The following SNED1 variants were observed in gnomAD, a reference collection of about 807,000 sequenced individuals.
SNED1 encodes the protein sushi, nidogen and EGF like domains 1, also known as sushi, nidogen and EGF-like domain-containing protein 1.
In SNED1, 81 loss-of-function variants were observed where a neutral mutation model predicts 166.7. The ratio of observed to expected loss-of-function variants is 0.49; its 90% confidence interval spans 0.41 to 0.58. The LOEUF (loss-of-function observed/expected upper bound fraction) is 0.58. Ranked by LOEUF, SNED1 falls within the 20% of genes least tolerant of loss-of-function variation. SNED1 has a pLI of 0.00. For synonymous variants in SNED1, 762 were observed against 822.0 expected, an observed-to-expected ratio of 0.93 and a Z score of 1.25; for missense variants, 1,604 against 2,000.2, an observed-to-expected ratio of 0.80 and a Z score of 3.78.
intron 29 of SNED1, among the ~76,000 whole-genome samples, chr2:241,082,866 G>A (rs2063396310): frequency 6.6e-6 from 1 of 151,924 alleles, no homozygotes; most frequent in Non-Finnish European, 1.5e-5. Flanking sequence ...GACTCTGTCG[G>A]TCACACAGTC....
chr2:241,045,713 CAAA>C (rs35928845), intron 8 of SNED1, among the ~76,000 whole-genome samples: 1 of 133,598 alleles, frequency 7.5e-6, no homozygotes. Flanking sequence ...AAAACATAGG[CAAA>C]AAAAAAAAAA....
intron 1 of SNED1, among the ~76,000 whole-genome samples, chr2:241,028,866 C>G (rs1410826556): frequency 6.6e-6 from 1 of 152,068 alleles, no homozygotes; most frequent in African/African-American, 2.4e-5. Flanking sequence ...GTCTATTCCT[C>G]TTGGTGGTAT....
At position 241,037,250 on chromosome 2, in the gene SNED1, A is replaced by C. The variant is rs565211801; in HGVS notation, c.942A>C (p.Glu314Asp). ...TGCCCCATGTTTCAGACGTGAACGAATGTGCCTCCCAGCCCTGTCAGAATG... is the reference window on the plus strand; with the variant it reads ...TGCCCCATGTTTCAGACGTGAACGACTGTGCCTCCCAGCCCTGTCAGAATG... Reference protein sequence around the residue: ...TGRRCHLDVNECASQPCQNGG... With the variant: ...TGRRCHLDVNDCASQPCQNGG... The change falls in exon 6 of 32, where the codon GAA (glutamate) becomes GAC (aspartate). Residue 314 changes from glutamate (E) to aspartate (D), a missense_variant. Transcript: ENST00000310397. 6.2e-7 allele frequency: 1 copy of C among 1,609,832 alleles called. No homozygotes were observed. The highest frequency in any genetic ancestry group is 1.1e-5 in the South Asian group (1 of 90,062).
At position 241,073,217 on chromosome 2, in the gene SNED1, C is replaced by G; in HGVS notation, c.3818-49C>G. On this transcript the variant is annotated intron_variant, in intron 26 of 31. Transcript: ENST00000310397. This position sits in a 1 kb window ranked among gnomAD's most constrained non-coding sequence, Gnocchi z 6.6. ...TCAAAAGGGTGGCCCCAGGACCATC[C>G]CGGGTGCAAAGCAGCTGCGCCGTGT... The G allele has an allele frequency of 7.1e-7, 1 of 1,409,896 alleles. No individual in the cohort carries two copies. The highest frequency in any genetic ancestry group is 9.8e-7 in the Non-Finnish European group (1 of 1,021,252). The allele number at this position is 1,409,896 out of a possible 1,614,324, so 87.3% of individuals were successfully genotyped here.
At chr2:241,030,642 T>C in intron 2 of SNED1, 71 bp downstream of exon 2, 1 of 1,484,212 alleles carries the variant, frequency 6.7e-7, no homozygotes, top group South Asian at 1.3e-5. Context: ...GCACCAGGGC[T>C]CCCTCTTGCT....
Position 241,005,796 on chromosome 2 carries a change from T to C in SNED1, c.213+6746T>C, listed in dbSNP as rs947690583. 2.6e-5 allele frequency among the ~76,000 whole-genome samples: 4 copies of C among 152,146 alleles called. No individual in the cohort carries two copies. In the East Asian group the frequency reaches 7.7e-4, roughly 29 times the overall value. ...ATCTTTGTCCCTCCGCATATGCATC[T>C]TTTTTCTCTGATTCCTTTTAAGATA... On this transcript the variant is annotated intron_variant, in intron 1 of 31. Coordinates refer to ENST00000310397, the MANE Select transcript of SNED1 (RefSeq NM_001080437.3).
intron 4 of SNED1, among the ~76,000 whole-genome samples, chr2:241,035,362 CA>C (rs2061316211): frequency 6.6e-6 from 1 of 152,138 alleles, no homozygotes; most frequent in African/African-American, 2.4e-5. Context: ...GTGTCCCTCC[CA>C]GGGGTGGGCA....
chr2:241,060,236 G>A (rs941433408), intron 16 of SNED1, among the ~76,000 whole-genome samples: 1 of 150,748 alleles, frequency 6.6e-6, no homozygotes, highest in African/African-American at 2.5e-5. Context: ...AGGCTGGAGT[G>A]CAGTGGCACA....
intron 1 of SNED1, among the ~76,000 whole-genome samples, chr2:241,000,757 A>T (rs934790309): frequency 4.6e-5 from 7 of 152,222 alleles, no homozygotes; most frequent in Admixed American, 6.5e-5. Flanking sequence ...CTAACAAAAC[A>T]TTTATCTCCA....
In SNED1 at chr2:241,062,778, TCTCTC is replaced by T. The variant is rs755567946; in HGVS notation, c.2258-7_2258-3del. The T allele has an allele frequency of 8.8e-6, 14 of 1,587,006 alleles. No homozygotes were observed. The highest frequency in any genetic ancestry group is 7.8e-6 in the Non-Finnish European group (9 of 1,161,032). On this transcript the variant is annotated splice_polypyrimidine_tract_variant and splice_region_variant and intron_variant, in intron 16 of 31. Coordinates refer to ENST00000310397, the MANE Select transcript of SNED1 (RefSeq NM_001080437.3). Reference sequence around the variant, plus strand: ...TGGCCACATTGCTTTATTCTTGGGCTCTCTCCTCTCAGAAATCGATGAGTGCCGGT... The same window carrying T: ...TGGCCACATTGCTTTATTCTTGGGCTCTCTCAGAAATCGATGAGTGCCGGT...
upstream of SNED1, among the ~76,000 whole-genome samples, chr2:240,997,773 G>T (rs983682431): frequency 1.3e-5 from 2 of 152,202 alleles, no homozygotes; most frequent in Admixed American, 1.3e-4. Flanking sequence ...TCTAAGAGAA[G>T]AGACCACGGT....
intron 1 of SNED1, among the ~76,000 whole-genome samples, chr2:241,006,185 T>C (rs2060216790): frequency 6.6e-6 from 1 of 152,204 alleles, no homozygotes; most frequent in Non-Finnish European, 1.5e-5. Flanking sequence ...TTCATCCCAT[T>C]CAGAGTATGT....
chr2:241,014,205 C>A (rs2060502708), intron 1 of SNED1, among the ~76,000 whole-genome samples: 1 of 151,894 alleles, frequency 6.6e-6, no homozygotes, highest in Non-Finnish European at 1.5e-5. Context: ...GACAGGGTTT[C>A]ACCATGTTGG....
intron 3 of SNED1, among the ~76,000 whole-genome samples, chr2:241,034,131 A>T (rs55672751): frequency 0.1 from 15,544 of 152,246 alleles, 902 homozygotes; most frequent in East Asian, 0.18. Flanking sequence ...CAGCTGCAAC[A>T]GCAACAGAAA....
chr2:241,093,123 C>T lies in SNED1; in HGVS notation c.*1487C>T, dbSNP rs1411954554. On this transcript the variant is annotated 3_prime_UTR_variant, in exon 32 of 32. Transcript: ENST00000310397. ...TTTCAGAAAGAAGGAACAGGCAATT[C>T]GCGAAGTTTCACCTGTACTCCCGAG... 1 of 152,568 alleles carries T rather than the reference C, an allele frequency of 6.6e-6. No homozygotes were observed. Among genetic ancestry groups the T allele is most frequent in the Non-Finnish European group, 1.5e-5 (1 of 68,022 alleles). The allele number at this position is 152,568 out of a possible 1,614,324, so 9.5% of individuals were successfully genotyped here.
chr2:241,034,815 T>C (rs1253930034), intron 4 of SNED1, 85 bp downstream of exon 4: 24 of 1,401,472 alleles, frequency 1.7e-5, no homozygotes, highest in Non-Finnish European at 2.2e-5. Context: ...CGAAGGGGGC[T>C]GGATGCTGAC....
intron 27 of SNED1, among the ~76,000 whole-genome samples, chr2:241,078,314 T>C (rs56343065): frequency 3.8e-4 from 53 of 140,524 alleles, no homozygotes; most frequent in South Asian, 2.9e-3. Flanking sequence ...ACCCGGGAGG[T>C]GGAGTTTGCA....
At chr2:241,026,009 CTTT>C (rs71404676) in intron 1 of SNED1, among the ~76,000 whole-genome samples, 1,317 of 73,418 alleles carry the variant, frequency 0.018, 8 homozygotes, top group African/African-American at 0.066. Flanking sequence ...TTTTCTTTTC[CTTT>C]TTTTTTTTTT....
rs548815577 is a variant in SNED1 at position 241,065,523 on chromosome 2, G to A, written c.2938G>A (p.Val980Ile). 4.0e-5 allele frequency: 65 copies of A among 1,612,964 alleles called. No homozygotes were observed. The highest frequency in any genetic ancestry group is 3.3e-4 in the Middle Eastern group (2 of 6,062). ...GGCCGGCAGGGCCTACAACATCTCC[G>A]TCTTCTCAGTGAAGCGAAACAGTAA... ...LAAGRAYNIS[V>I]FSVKRNSNNK... is the part of the protein sequence containing the mutation. Residue 980 changes from valine to isoleucine, a missense_variant, in exon 21 of 32, where the codon GTC becomes ATC. This residue lies in a region of SNED1 where 1,237 missense variants were observed against 1,620.8 expected (regional missense o/e 0.76). Transcript: ENST00000310397.
Sources: allele counts gnomAD v4.1 joint callset (sites outside exome capture counted in the v4.1 genomes callset), GRCh38; gene constraint gnomAD v4.1.1; regional missense constraint gnomAD v4.1.1; non-coding constraint Gnocchi (gnomAD v3.1); transcripts MANE v1.5; gene names NCBI Gene and HGNC (gene_info 2026-07-23, HGNC 2026-07-21).